Variants in PTPRT observed in about 807,000 individuals in gnomAD.
PTPRT encodes protein tyrosine phosphatase receptor type T.
In PTPRT, 56 loss-of-function variants were observed where a neutral mutation model predicts 176.8. The observed-to-expected ratio is 0.32, with a 90% CI of 0.26 to 0.40. The LOEUF is 0.40. Among genes scored for constraint, PTPRT ranks in the 10% least tolerant of loss-of-function variants. The probability of loss-of-function intolerance (pLI) is 1.00; values close to 1 mark genes in which losing one functional copy is unlikely to be tolerated. For synonymous variants in PTPRT, 783 were observed against 739.0 expected (o/e 1.06, Z -0.96); for missense variants, 1,540 against 1,908.2 (o/e 0.81, Z 3.60).
At chr20:42,053,096 T>C in the PTPRT span, among the ~76,000 whole-genome samples, 25 of 152,182 alleles carry the variant, frequency 1.6e-4, no homozygotes, top group African/African-American at 6.0e-4. Flanking sequence ...GCTCTCCAAC[T>C]GTAGTTTGCT....
chr20:42,209,179 C>A (rs1239500372), intron 15 of PTPRT, among the ~76,000 whole-genome samples: 1 of 152,070 alleles, frequency 6.6e-6, no homozygotes, highest in Non-Finnish European at 1.5e-5. Flanking sequence ...CACTTAATGC[C>A]CACAAGAGAA....
At chr20:42,457,212 T>C (rs1340961694) in intron 8 of PTPRT, among the ~76,000 whole-genome samples, 1 of 152,144 alleles carries the variant, frequency 6.6e-6, no homozygotes, top group Non-Finnish European at 1.5e-5. Flanking sequence ...CTTAAGCACA[T>C]ATCCCTAAAT....
At chr20:42,247,933 T>C (rs1217640500) in intron 14 of PTPRT, among the ~76,000 whole-genome samples, 3 of 152,226 alleles carry the variant, frequency 2.0e-5, no homozygotes, top group Admixed American at 6.5e-5. Context: ...TTTCCTTGTG[T>C]TATCCTCAAG....
At chr20:42,799,278 G>A (rs924389196) in intron 2 of PTPRT, among the ~76,000 whole-genome samples, 2 of 152,092 alleles carry the variant, frequency 1.3e-5, no homozygotes, top group Non-Finnish European at 2.9e-5. Flanking sequence ...AGAGGCAAAA[G>A]ATTATGGAGA....
At chr20:42,447,196 A>G (rs182696840) in intron 9 of PTPRT, among the ~76,000 whole-genome samples, 1 of 152,220 alleles carries the variant, frequency 6.6e-6, no homozygotes, top group East Asian at 1.9e-4. Flanking sequence ...GCTCTCAGTG[A>G]CTTAAGCCTC....
chr20:42,086,751 A>ATATATATATATAT (rs58059394), intron 27 of PTPRT, among the ~76,000 whole-genome samples: 7 of 96,566 alleles, frequency 7.2e-5, no homozygotes, highest in South Asian at 3.7e-4. Context: ...AAAAAAAAAA[A>ATATATATATATAT]AAATATATAT....
intron 4 of PTPRT, among the ~76,000 whole-genome samples, chr20:42,776,587 C>T (rs568089652): frequency 2.0e-5 from 3 of 152,132 alleles, no homozygotes; most frequent in African/African-American, 4.8e-5. Context: ...GCCTCCAGAA[C>T]TGTGAGAAAA....
At chr20:43,077,936 C>A (rs2011323085) in intron 1 of PTPRT, among the ~76,000 whole-genome samples, 2 of 152,216 alleles carry the variant, frequency 1.3e-5, no homozygotes, top group Admixed American at 6.5e-5. Flanking sequence ...CTATACCATC[C>A]TTCTATATCA....
chr20:42,056,898 A>G, the PTPRT span, among the ~76,000 whole-genome samples: 1 of 152,158 alleles, frequency 6.6e-6, no homozygotes, highest in Non-Finnish European at 1.5e-5. Context: ...TGGACTTCCA[A>G]ATGGACCCTC....
intron 8 of PTPRT, among the ~76,000 whole-genome samples, chr20:42,461,489 C>G (rs2071019111): frequency 6.6e-6 from 1 of 152,152 alleles, no homozygotes; most frequent in South Asian, 2.1e-4. Context: ...GTGAGCTGAT[C>G]ATATCACTGC....
chr20:42,399,989 A>G (rs2058889771), intron 9 of PTPRT, among the ~76,000 whole-genome samples: 1 of 152,200 alleles, frequency 6.6e-6, no homozygotes, highest in African/African-American at 2.4e-5. Flanking sequence ...AGTTGAGTCC[A>G]GATGTTCATT....
At chr20:42,630,488 T>C (rs1365391469) in intron 7 of PTPRT, among the ~76,000 whole-genome samples, 2 of 152,176 alleles carry the variant, frequency 1.3e-5, no homozygotes, top group East Asian at 1.9e-4. Context: ...ATGGGAGGAA[T>C]AGTTGAAATG....
intron 9 of PTPRT, among the ~76,000 whole-genome samples, chr20:42,365,923 G>T (rs188211991): frequency 6.6e-6 from 1 of 152,330 alleles, no homozygotes; most frequent in African/African-American, 2.4e-5. Flanking sequence ...TAATATTGGA[G>T]TTGCATTGCT....
At chr20:42,502,208 T>C (rs1181816693) in intron 7 of PTPRT, among the ~76,000 whole-genome samples, 1 of 152,068 alleles carries the variant, frequency 6.6e-6, no homozygotes, top group African/African-American at 2.4e-5. Context: ...ATAGGAATCA[T>C]TTCATATATA....
Position 42,880,121 on chromosome 20 carries a change from T to G in PTPRT, c.214+5686A>C, listed in dbSNP as rs926890131. ...CTGAGGAGGGGCAGGCCCGGGGGGGTTTGTGGGTGGTGCACCTGGGCTGGC... is the reference window on the plus strand; with the variant it reads ...CTGAGGAGGGGCAGGCCCGGGGGGGGTTGTGGGTGGTGCACCTGGGCTGGC... On this transcript the variant is annotated intron_variant, in intron 2 of 30. Transcript: ENST00000373187. Among the ~76,000 whole-genome samples, 11 of 150,076 alleles carry G rather than the reference T, an allele frequency of 7.3e-5. No individual in the cohort carries two copies. In the South Asian group the frequency reaches 1.9e-3, roughly 26 times the overall value.
intron 1 of PTPRT, among the ~76,000 whole-genome samples, chr20:43,054,150 G>A (rs910395058): frequency 6.6e-6 from 1 of 152,126 alleles, no homozygotes; most frequent in Non-Finnish European, 1.5e-5. Flanking sequence ...GTTCATTTTA[G>A]AAGCTTCACC....
intron 7 of PTPRT, among the ~76,000 whole-genome samples, chr20:42,494,112 A>G (rs1419407261): frequency 6.6e-6 from 1 of 152,072 alleles, no homozygotes; most frequent in Non-Finnish European, 1.5e-5. Context: ...TTCAGAGTAA[A>G]GAGAGAGAAG....
intron 11 of PTPRT, among the ~76,000 whole-genome samples, chr20:42,318,466 T>G (rs1031143157): frequency 6.6e-6 from 1 of 152,192 alleles, no homozygotes; most frequent in African/African-American, 2.4e-5. Flanking sequence ...GGTCCATTAC[T>G]TGTGGGACTC....
intron 3 of PTPRT, among the ~76,000 whole-genome samples, chr20:42,789,847 T>C (rs772857623): frequency 8.5e-5 from 13 of 152,192 alleles, no homozygotes; most frequent in African/African-American, 1.2e-4. Flanking sequence ...AATTGCCTCA[T>C]TAAGGTAAAC....
Sources: gnomAD v4.1 joint callset for allele counts (sites outside exome capture counted in the v4.1 genomes callset) on GRCh38, gnomAD v4.1.1 for gene constraint, MANE v1.5 for transcripts, NCBI Gene and HGNC (gene_info 2026-07-23, HGNC 2026-07-21) for gene names.